Variants in WDR59 observed in about 807,000 individuals in gnomAD.
WDR59 encodes the protein WD repeat domain 59, also known as GATOR2 complex protein WDR59.
WDR59 carries 100 observed loss-of-function variants against 131.2 expected under a neutral mutation model. That is an observed-to-expected ratio of 0.76 (90% confidence interval 0.65 to 0.90). The LOEUF is 0.90. WDR59 is among the 40% of genes least tolerant of loss of function. The probability of loss-of-function intolerance (pLI) is 0.00; values close to 1 mark genes in which losing one functional copy is unlikely to be tolerated. For missense variants in WDR59, 1,203 were observed against 1,262.2 expected, an observed-to-expected ratio of 0.95 and a Z score of 0.71; for synonymous variants, 601 against 466.2, an observed-to-expected ratio of 1.29 and a Z score of -3.72.
At chr16:74,979,395 G>A (rs903995518) in intron 1 of WDR59, among the ~76,000 whole-genome samples, 105 of 151,760 alleles carry the variant, frequency 6.9e-4, no homozygotes, top group Admixed American at 2.6e-3. Context: ...GAACCCGGGA[G>A]GCGGAGCTTA....
intron 1 of WDR59, among the ~76,000 whole-genome samples, chr16:74,980,011 G>T (rs1025821392): frequency 4.0e-5 from 6 of 151,204 alleles, no homozygotes; most frequent in Non-Finnish European, 7.4e-5. Context: ...ACCACGCCCA[G>T]CTAATTTTTA....
At chr16:74,909,147 A>G (rs1025749605) in intron 16 of WDR59, among the ~76,000 whole-genome samples, 170 bp from the exon 17 acceptor site, 1 of 152,136 alleles carries the variant, frequency 6.6e-6, no homozygotes, top group Non-Finnish European at 1.5e-5. Context: ...AACAAAGGTC[A>G]GCGCTCCAGG....
At chr16:74,918,508 C>T (rs1966500209) in intron 10 of WDR59, among the ~76,000 whole-genome samples, 2 of 151,930 alleles carry the variant, frequency 1.3e-5, no homozygotes, top group South Asian at 4.1e-4. Context: ...TGGCATCTTA[C>T]CATTCAAAAG....
At chr16:74,900,813 T>G (rs1445765747) in intron 18 of WDR59, among the ~76,000 whole-genome samples, 2 of 152,216 alleles carry the variant, frequency 1.3e-5, no homozygotes, top group African/African-American at 4.8e-5. Flanking sequence ...AGATGTTTTG[T>G]TATCTCAAAA....
At chr16:74,952,157 T>A (rs1216847290) in intron 3 of WDR59, among the ~76,000 whole-genome samples, 1 of 151,218 alleles carries the variant, frequency 6.6e-6, no homozygotes, top group Non-Finnish European at 1.5e-5. Flanking sequence ...CATAGGTGCA[T>A]AAGAGAGAAA....
chr16:74,907,908 T>A (rs1183906553), intron 17 of WDR59, among the ~76,000 whole-genome samples: 6 of 152,210 alleles, frequency 3.9e-5, no homozygotes, highest in Non-Finnish European at 5.9e-5. Context: ...GAAGTTTAGA[T>A]AACTTGCCCA....
intron 23 of WDR59, 89 bp from the exon 24 acceptor site, chr16:74,886,485 T>C: frequency 1.2e-5 from 18 of 1,490,560 alleles, no homozygotes; most frequent in Admixed American, 2.2e-5. Context: ...ACGTGGCCAA[T>C]GGATTTCCCA....
intron 7 of WDR59, 77 bp from the exon 8 acceptor site, chr16:74,938,343 T>C (rs751150753): frequency 7.9e-5 from 82 of 1,039,280 alleles, no homozygotes; most frequent in Non-Finnish European, 1.1e-4. Flanking sequence ...GTCTGCTAGG[T>C]AGTGAGTGAG....
chr16:74,974,007 T>C (rs1048264258), intron 1 of WDR59, among the ~76,000 whole-genome samples: 6 of 151,996 alleles, frequency 3.9e-5, no homozygotes, highest in Non-Finnish European at 8.8e-5. Context: ...TCGTCTCTAC[T>C]AAAAATACAA....
intron 3 of WDR59, among the ~76,000 whole-genome samples, chr16:74,952,271 T>C (rs1042361076): frequency 6.6e-6 from 1 of 150,834 alleles, no homozygotes; most frequent in Non-Finnish European, 1.5e-5. Context: ...CCAGATCGCA[T>C]CTCTACAAAA....
In WDR59 at chr16:74,872,617, A is replaced by T. The variant is rs1964031278; in HGVS notation, c.*1592T>A. On this transcript the variant is annotated 3_prime_UTR_variant, in exon 26 of 26. Transcript: ENST00000262144. ...TTAAAAAAGAAAATCATTCTGAAGA[A>T]TTGGTGGACACAGATGTTATAACTA... The T allele has an allele frequency of 6.6e-6, 1 of 152,106 alleles. No individual in the cohort carries two copies. The highest frequency in any genetic ancestry group is 2.4e-5 in the African/African-American group (1 of 41,414). 9.4% of individuals were successfully genotyped at this position (152,106 alleles called of 1,614,324 possible).
chr16:74,970,999 T>C (rs1035567519), intron 1 of WDR59, among the ~76,000 whole-genome samples: 3 of 151,628 alleles, frequency 2.0e-5, no homozygotes, highest in Admixed American at 1.3e-4. Context: ...CAATGAGCAA[T>C]GTTCACACCA....
intron 18 of WDR59, among the ~76,000 whole-genome samples, chr16:74,897,395 TC>T (rs1271416740): frequency 1.3e-5 from 2 of 152,090 alleles, no homozygotes; most frequent in Non-Finnish European, 2.9e-5. Flanking sequence ...TAGGGACTCT[TC>T]CCCCATTTGC....
chr16:74,918,420 A>G (rs1471305668), intron 10 of WDR59, among the ~76,000 whole-genome samples: 1 of 152,236 alleles, frequency 6.6e-6, no homozygotes, highest in Non-Finnish European at 1.5e-5. Context: ...CACCTCTGCA[A>G]ATGTTCGTCC....
chr16:74,959,784 G>GA lies in WDR59; in HGVS notation c.105-3175dup, dbSNP rs370848476. 4.2e-3 allele frequency among the ~76,000 whole-genome samples: 544 copies of GA among 130,530 alleles called. 3 individuals are homozygous for GA. Among genetic ancestry groups the GA allele is most frequent in the African/African-American group, 0.015 (522 of 34,980 alleles). 85.6% of individuals were successfully genotyped at this position (130,530 alleles called of 152,430 possible). A position where few individuals can be genotyped will look rare whatever the true frequency, so the allele number is the denominator to read the frequency against. On this transcript the variant is annotated intron_variant, in intron 2 of 25. Transcript: ENST00000262144. The stretch of plus-strand genomic sequence containing the variant: ...GACAAAACAGAAAAAGAAAAGGAAA[G>GA]AAAAAACTCCTCCCTTGCCTCCCCA...
At chr16:74,885,591 G>A (rs1275851527) in intron 25 of WDR59, 62 bp downstream of exon 25, 1 of 1,580,284 alleles carries the variant, frequency 6.3e-7, no homozygotes, top group Non-Finnish European at 8.6e-7. Flanking sequence ...CTGAGGCTGT[G>A]GACATATTAA....
chr16:74,909,791 T>C, intron 15 of WDR59, 31 bp downstream of exon 15: 1 of 1,598,052 alleles, frequency 6.3e-7, no homozygotes, highest in Non-Finnish European at 8.5e-7. Context: ...CACCAAAGCC[T>C]AAGTTGGTAT....
intron 22 of WDR59, 45 bp downstream of exon 22, chr16:74,888,117 CAAAAAAA>C (rs35324656): frequency 3.6e-5 from 45 of 1,235,406 alleles, no homozygotes; most frequent in Admixed American, 1.9e-4. Context: ...AACTCCGTCT[CAAAAAAA>C]AAAAAAAAAA....
chr16:74,957,047 G>C lies in WDR59; in HGVS notation c.105-437C>G, dbSNP rs146291351. Among the ~76,000 whole-genome samples the C allele has an allele frequency of 6.4e-3, 977 of 151,788 alleles. 9 individuals are homozygous for C. The highest frequency in any genetic ancestry group is 6.8e-3 in the Middle Eastern group (2 of 294). Reference sequence around the variant, plus strand: ...TTGTCCTGAATCAACTAAGTGTTCAGAGAATGAACTATGTCTTGAATATCT... The same window carrying C: ...TTGTCCTGAATCAACTAAGTGTTCACAGAATGAACTATGTCTTGAATATCT... On this transcript the variant is annotated intron_variant, in intron 2 of 25. Coordinates refer to ENST00000262144, the MANE Select transcript of WDR59 (RefSeq NM_030581.4).
Sources: allele counts gnomAD v4.1 joint callset (sites outside exome capture counted in the v4.1 genomes callset), GRCh38; gene constraint gnomAD v4.1.1; transcripts MANE v1.5; gene names NCBI Gene and HGNC (gene_info 2026-07-23, HGNC 2026-07-21).